Variants in FRMD4B observed in about 807,000 individuals in gnomAD.
FRMD4B encodes FERM domain containing 4B, also known as FERM domain-containing protein 4B.
Under a neutral mutation model 141.5 loss-of-function variants are expected in FRMD4B, and 74 were observed. The observed-to-expected ratio is 0.52, with a 90% CI of 0.43 to 0.63. The LOEUF (loss-of-function observed/expected upper bound fraction) is 0.63, where lower values mean the gene tolerates loss of function less well. Among genes scored for constraint, FRMD4B ranks in the 30% least tolerant of loss-of-function variants. The pLI is 0.00. For missense variants in FRMD4B, 1,366 were observed against 1,253.4 expected (o/e 1.09, Z -1.36); for synonymous variants, 506 against 467.9 (o/e 1.08, Z -1.05).
At chr3:69,437,356 G>A (rs891718360) in intron 1 of FRMD4B, among the ~76,000 whole-genome samples, 9 of 151,754 alleles carry the variant, frequency 5.9e-5, no homozygotes, top group African/African-American at 2.2e-4. Context: ...ACAGGCATGA[G>A]CCACTGTGCC....
chr3:69,221,205 C>T (rs968099773), intron 9 of FRMD4B, among the ~76,000 whole-genome samples: 8 of 152,074 alleles, frequency 5.3e-5, no homozygotes, highest in East Asian at 3.9e-4. Flanking sequence ...TCAAATGATC[C>T]GCCCTCCTCA....
Position 69,329,013 on chromosome 3 carries a change from A to G in FRMD4B, c.163-15496T>C, listed in dbSNP as rs1702271201. Among the ~76,000 whole-genome samples the G allele has an allele frequency of 2.6e-5, 4 of 152,200 alleles. No homozygotes were observed. In the South Asian group the frequency reaches 6.2e-4, roughly 24 times the overall value. ...TCACTTTACTCTATGGACTCATCCT[A>G]AATTCTTTCCTGCTCGAGATCTAAG... On this transcript the variant is annotated intron_variant, in intron 1 of 22. Coordinates refer to ENST00000398540, the MANE Select transcript of FRMD4B (RefSeq NM_015123.3).
intron 9 of FRMD4B, among the ~76,000 whole-genome samples, chr3:69,218,889 G>A (rs765654853): frequency 1.1e-4 from 16 of 152,226 alleles, no homozygotes; most frequent in East Asian, 1.9e-4. Context: ...CAGGCTGGGC[G>A]CGGTGGCTCA....
intron 7 of FRMD4B, among the ~76,000 whole-genome samples, chr3:69,248,428 T>C (rs1575655951): frequency 6.6e-6 from 1 of 152,236 alleles, no homozygotes; most frequent in East Asian, 1.9e-4. Flanking sequence ...CTGGAAGTTT[T>C]CAAGGTTGGA....
intron 1 of FRMD4B, among the ~76,000 whole-genome samples, chr3:69,523,861 C>T (rs557054149): frequency 6.6e-6 from 1 of 152,098 alleles, no homozygotes; most frequent in East Asian, 1.9e-4. Flanking sequence ...GCAGTTGGTT[C>T]CCTTACCTTC....
chr3:69,402,514 A>G (rs921797470), intron 2 of FRMD4B, among the ~76,000 whole-genome samples: 6 of 152,310 alleles, frequency 3.9e-5, no homozygotes, highest in African/African-American at 1.4e-4. Flanking sequence ...ATCTTTAATG[A>G]TATACTTTAC....
At chr3:69,478,776 C>T (rs903936763) in intron 1 of FRMD4B, among the ~76,000 whole-genome samples, 4 of 152,016 alleles carry the variant, frequency 2.6e-5, no homozygotes, top group Admixed American at 6.6e-5. Flanking sequence ...CTTTCTGTCT[C>T]GTTGATCTGT....
intron 3 of FRMD4B, among the ~76,000 whole-genome samples, chr3:69,303,720 A>C (rs572860485): frequency 1.3e-5 from 2 of 152,300 alleles, no homozygotes; most frequent in East Asian, 3.9e-4. Context: ...GCTTGAGCCC[A>C]GGAATTTGAG....
chr3:69,480,391 G>A (rs537846804), intron 1 of FRMD4B, among the ~76,000 whole-genome samples: 1 of 152,064 alleles, frequency 6.6e-6, no homozygotes, highest in East Asian at 1.9e-4. Context: ...TTTTGGTGTG[G>A]ATGTCCTTTC....
In FRMD4B at chr3:69,532,744, G is replaced by T. The variant is rs55690669; in HGVS notation, c.-129+9462C>A. Among the ~76,000 whole-genome samples, 269 of 152,318 alleles carry T rather than the reference G, an allele frequency of 1.8e-3. 1 individual carries two copies. Among genetic ancestry groups the T allele is most frequent in the African/African-American group, 5.4e-3 (226 of 41,568 alleles). ...CATTCTGGTCACATATGAGCCTTCT[G>T]CTCTTTTGCAAAGACTGAATTGATG... On this transcript the variant is annotated intron_variant, in intron 1 of 5. Transcript: ENST00000459638.
chr3:69,209,323 C>T lies in FRMD4B; in HGVS notation c.876+6940G>A, dbSNP rs113613785. Among the ~76,000 whole-genome samples, 358 of 152,200 alleles carry T rather than the reference C, an allele frequency of 2.4e-3. 4 individuals are homozygous for T. The highest frequency in any genetic ancestry group is 7.9e-3 in the African/African-American group (327 of 41,526). On this transcript the variant is annotated intron_variant, in intron 11 of 22. Transcript: ENST00000398540. ...ATACCTAACCAATTTTCTAAAAGTTCCATGTTTTACGAGAACTGCTTAAAA... is the reference window on the plus strand; with the variant it reads ...ATACCTAACCAATTTTCTAAAAGTTTCATGTTTTACGAGAACTGCTTAAAA...
At position 69,311,263 on chromosome 3, in the gene FRMD4B, G is replaced by T. The variant is rs751282878; in HGVS notation, c.323C>A (p.Thr108Lys). 1 of 1,409,568 alleles carries T rather than the reference G, an allele frequency of 7.1e-7. No individual in the cohort carries two copies. Among genetic ancestry groups the T allele is most frequent in the Admixed American group, 1.7e-5 (1 of 59,036 alleles). 87.3% of individuals were successfully genotyped at this position (1,409,568 alleles called of 1,614,324 possible). ...EYFGITFIDDTGQQNWLQLDH... is the reference protein window; with the variant it reads ...EYFGITFIDDKGQQNWLQLDH... The stretch of plus-strand genomic sequence containing the variant: ...AAACTAAAACTATTAAAGGACTTAC[G>T]TGTCATCTATGAATGTTATTCCAAA... Residue 108 changes from threonine to lysine, a missense_variant and splice_region_variant, in exon 3 of 23, where the codon ACA (threonine) becomes AAA (lysine). Thr to Lys is a moderately conservative substitution (Grantham distance 78). Transcript: ENST00000398540.
intron 1 of FRMD4B, among the ~76,000 whole-genome samples, chr3:69,343,578 T>TTTTTG (rs201716049): frequency 0.33 from 23,112 of 71,094 alleles, 1,874 homozygotes; most frequent in Non-Finnish European, 0.43. Flanking sequence ...CAGTTTTTTG[T>TTTTTG]TTTTTTTTTT....
intron 1 of FRMD4B, chr3:69,536,828 C>A (rs1701094908): frequency 8.1e-6 from 3 of 369,746 alleles, no homozygotes; most frequent in African/African-American, 2.1e-5. Context: ...CTCACTGCAG[C>A]CTCAACCTCC....
At chr3:69,192,823 CTT>C (rs879598264) in intron 17 of FRMD4B, among the ~76,000 whole-genome samples, 1 of 144,706 alleles carries the variant, frequency 6.9e-6, no homozygotes. Context: ...ATTTTGTTCA[CTT>C]TTTTTTTTTT....
chr3:69,500,919 G>C (rs1157167719), intron 1 of FRMD4B, among the ~76,000 whole-genome samples: 1 of 152,160 alleles, frequency 6.6e-6, no homozygotes, highest in African/African-American at 2.4e-5. Flanking sequence ...CATTAGCATT[G>C]TCTCTAAACA....
At chr3:69,318,244 G>T (rs952756351) in intron 1 of FRMD4B, among the ~76,000 whole-genome samples, 1 of 152,048 alleles carries the variant, frequency 6.6e-6, no homozygotes, top group East Asian at 1.9e-4. Context: ...CAAAGTATTG[G>T]GATTATAGAT....
intron 1 of FRMD4B, among the ~76,000 whole-genome samples, chr3:69,465,306 C>T (rs1271683693): frequency 2.1e-5 from 3 of 140,836 alleles, no homozygotes; most frequent in Non-Finnish European, 4.5e-5. Context: ...GGTAACAGAG[C>T]GAGGCTCCGT....
In FRMD4B at chr3:69,404,182, C is replaced by A. The variant is rs574026032; in HGVS notation, c.-1+28452G>T. Among the ~76,000 whole-genome samples the A allele has an allele frequency of 1.7e-4, 26 of 152,270 alleles. 1 individual carries two copies. The highest frequency in any genetic ancestry group is 6.0e-4 in the African/African-American group (25 of 41,572). On this transcript the variant is annotated intron_variant, in intron 2 of 5. Coordinates refer to the FRMD4B transcript ENST00000459638. ...AAAGCACTGAGATTACAGGCCTGAACCAATGTGCCTGGTCTCCTAAGAATG... is the reference window on the plus strand; with the variant it reads ...AAAGCACTGAGATTACAGGCCTGAAACAATGTGCCTGGTCTCCTAAGAATG...
Sources: gnomAD v4.1 joint callset for allele counts (sites outside exome capture counted in the v4.1 genomes callset) on GRCh38, gnomAD v4.1.1 for gene constraint, MANE v1.5 for transcripts, NCBI Gene and HGNC (gene_info 2026-07-23, HGNC 2026-07-21) for gene names.